The following THSD7B variants were observed in gnomAD, a reference collection of about 807,000 sequenced individuals.
The protein encoded by THSD7B is thrombospondin type 1 domain containing 7B.
Under a neutral mutation model 213.6 loss-of-function variants are expected in THSD7B, and 138 were observed. The observed-to-expected ratio is 0.65, with a 90% CI of 0.56 to 0.74. THSD7B has a LOEUF of 0.74. THSD7B is among the 30% of genes least tolerant of loss of function. The pLI is 0.00. For missense variants in THSD7B, 1,931 were observed against 1,991.5 expected (o/e 0.97, Z 0.58); for synonymous variants, 742 against 687.0 (o/e 1.08, Z -1.25).
rs1478978031 is a variant in THSD7B, at chr2:137,450,905, C to G, written c.3020C>G (p.Ser1007Cys). 6.2e-7 allele frequency: 1 copy of G among 1,613,188 alleles called. No homozygotes were observed. The highest frequency in any genetic ancestry group is 8.5e-7 in the Non-Finnish European group (1 of 1,179,498). ...TTTGATTGCAAGTTAAGCGATTGGT[C>G]TAGTTGGGGGTCTTGCAGTTCATCT... ...CPFDCKLSDWSSWGSCSSSCG... is the reference protein window; with the variant it reads ...CPFDCKLSDWCSWGSCSSSCG... Residue 1007 changes from serine (S) to cysteine (C), a missense_variant, in exon 15 of 28, where the codon TCT (serine) becomes TGT (cysteine). By Grantham distance (112) the Ser-to-Cys change is moderately radical (BLOSUM62 -1). Transcript: ENST00000409968.
At chr2:136,924,479 A>G (rs1202572266) in intron 2 of THSD7B, among the ~76,000 whole-genome samples, 1 of 152,164 alleles carries the variant, frequency 6.6e-6, no homozygotes, top group Non-Finnish European at 1.5e-5. Flanking sequence ...AGTCTTGGCA[A>G]CTTTGTAAAA....
At chr2:137,382,849 G>A (rs1227121679) in intron 12 of THSD7B, among the ~76,000 whole-genome samples, 1 of 152,210 alleles carries the variant, frequency 6.6e-6, no homozygotes, top group Non-Finnish European at 1.5e-5. Context: ...AAGGAAGGGT[G>A]TCCCCCATTC....
chr2:137,412,897 T>TAA (rs1686701507), intron 14 of THSD7B, among the ~76,000 whole-genome samples: 1 of 150,880 alleles, frequency 6.6e-6, no homozygotes, highest in African/African-American at 2.4e-5. Context: ...TTCTTTCTTT[T>TAA]TTTTTTTTTA....
At chr2:137,462,535 G>T (rs1687905287) in intron 15 of THSD7B, among the ~76,000 whole-genome samples, 2 of 152,030 alleles carry the variant, frequency 1.3e-5, no homozygotes, top group African/African-American at 4.8e-5. Context: ...TTTTGTAATT[G>T]CTCCCTCTCC....
chr2:136,847,957 A>G (rs1000714805), intron 1 of THSD7B, among the ~76,000 whole-genome samples: 4 of 152,154 alleles, frequency 2.6e-5, no homozygotes, highest in Non-Finnish European at 4.4e-5. Flanking sequence ...GTGTGCATTT[A>G]AAGGTTCCCC....
intron 2 of THSD7B, among the ~76,000 whole-genome samples, chr2:136,895,844 A>C (rs1435887964): frequency 6.6e-6 from 1 of 152,152 alleles, no homozygotes; most frequent in Non-Finnish European, 1.5e-5. Flanking sequence ...TGGATATTTC[A>C]TATAAATAGA....
At chr2:137,315,369 T>A (rs887841769) in intron 12 of THSD7B, among the ~76,000 whole-genome samples, 6 of 152,146 alleles carry the variant, frequency 3.9e-5, no homozygotes, top group Admixed American at 1.3e-4. Flanking sequence ...CTTCGGCTCA[T>A]GCACAGTGCG....
intron 1 of THSD7B, among the ~76,000 whole-genome samples, chr2:136,794,092 T>C (rs1682017702): frequency 6.7e-6 from 1 of 150,174 alleles, no homozygotes; most frequent in African/African-American, 2.5e-5. Flanking sequence ...TCCTGATATG[T>C]GTGCTTTGTT....
chr2:137,529,973 T>G (rs1680366153), intron 15 of THSD7B, among the ~76,000 whole-genome samples: 1 of 152,036 alleles, frequency 6.6e-6, no homozygotes, highest in Non-Finnish European at 1.5e-5. Flanking sequence ...GCCTTTTAAT[T>G]TTTTTTGGTT....
At chr2:136,893,734 G>T (rs1035400258) in intron 2 of THSD7B, among the ~76,000 whole-genome samples, 3 of 152,050 alleles carry the variant, frequency 2.0e-5, no homozygotes, top group Non-Finnish European at 4.4e-5. Flanking sequence ...CAGTTATTTT[G>T]ATATTTCACT....
At chr2:137,637,074 T>C (rs899820875) in intron 20 of THSD7B, among the ~76,000 whole-genome samples, 6 of 152,216 alleles carry the variant, frequency 3.9e-5, no homozygotes, top group African/African-American at 1.2e-4. Flanking sequence ...TCCACTGCTT[T>C]CTCTCTCCCA....
chr2:137,299,016 C>T (rs6723567), intron 12 of THSD7B, among the ~76,000 whole-genome samples: 9,337 of 152,066 alleles, frequency 0.061, 531 homozygotes, highest in African/African-American at 0.14. Context: ...GTACATCTAC[C>T]GACAGCTGGC....
intron 3 of THSD7B, among the ~76,000 whole-genome samples, chr2:137,057,456 TTA>T (rs142667517): frequency 0.012 from 1,822 of 152,208 alleles, 23 homozygotes; most frequent in Middle Eastern, 0.024. Flanking sequence ...AGTAATGCAA[TTA>T]TATATATAGG....
chr2:137,066,084 C>T (rs1010438926), intron 3 of THSD7B, among the ~76,000 whole-genome samples: 25 of 151,284 alleles, frequency 1.7e-4, no homozygotes, highest in African/African-American at 6.1e-4. Flanking sequence ...ACATTTTTTT[C>T]AAAGCAAGTC....
At chr2:137,589,134 G>A (rs755784002) in intron 17 of THSD7B, among the ~76,000 whole-genome samples, 21 of 152,080 alleles carry the variant, frequency 1.4e-4, no homozygotes, top group Admixed American at 2.6e-4. Flanking sequence ...GATATTTGGC[G>A]GATACTTTCC....
rs1000752915 is a variant in THSD7B at position 137,454,405 on chromosome 2, T to C, written c.3138+3382T>C. On this transcript the variant is annotated intron_variant, in intron 15 of 27. Transcript: ENST00000409968. Reference sequence around the variant, plus strand: ...CAGAGCCATTCTATCTGTCTGTCTGTCTGTCTGTCTGTCTGTCTGTCTATC... The same window carrying C: ...CAGAGCCATTCTATCTGTCTGTCTGCCTGTCTGTCTGTCTGTCTGTCTATC... Among the ~76,000 whole-genome samples the C allele has an allele frequency of 6.1e-5, 7 of 114,274 alleles. No individual in the cohort carries two copies. The East Asian group carries it at 9.7e-4, about 16-fold the overall frequency. The allele number at this position is 114,274 out of a possible 152,430, so 75.0% of individuals were successfully genotyped here.
intron 15 of THSD7B, among the ~76,000 whole-genome samples, chr2:137,453,569 T>C (rs1687699658): frequency 6.6e-6 from 1 of 152,072 alleles, no homozygotes; most frequent in Admixed American, 6.6e-5. Flanking sequence ...GACCTCGTGC[T>C]CTGCCCGCCT....
chr2:137,572,741 T>C (rs1278655860), intron 17 of THSD7B, among the ~76,000 whole-genome samples, 185 bp downstream of exon 17: 4 of 152,102 alleles, frequency 2.6e-5, no homozygotes, highest in African/African-American at 9.7e-5. Flanking sequence ...GACTGAGCAA[T>C]TTAAAATGCC....
At chr2:137,065,138 C>A (rs1178451458) in intron 3 of THSD7B, among the ~76,000 whole-genome samples, 1 of 152,014 alleles carries the variant, frequency 6.6e-6, no homozygotes. Flanking sequence ...TTGACTCTTC[C>A]AATCCATGAA....
Sources: gnomAD v4.1 joint callset for allele counts (sites outside exome capture counted in the v4.1 genomes callset) on GRCh38, gnomAD v4.1.1 for gene constraint, MANE v1.5 for transcripts, NCBI Gene and HGNC (gene_info 2026-07-23, HGNC 2026-07-21) for gene names.